The following EXOG variants were observed in gnomAD, a reference collection of about 807,000 sequenced individuals.
The protein encoded by EXOG is exo/endonuclease G.
In EXOG, 27 loss-of-function variants were observed where a neutral mutation model predicts 25.8. The observed-to-expected ratio is 1.05, with a 90% CI of 0.77 to 1.45. The LOEUF is 1.45. Ranked by LOEUF, EXOG falls within the 40% of genes most tolerant of loss-of-function variation. The pLI is 0.00. For synonymous variants in EXOG, 133 were observed against 167.0 expected (o/e 0.80, Z 1.57); for missense variants, 458 against 450.5 (o/e 1.02, Z -0.15).
At chr3:38,509,068 G>A (rs2060291071) in intron 5 of EXOG, among the ~76,000 whole-genome samples, 1 of 151,986 alleles carries the variant, frequency 6.6e-6, no homozygotes, top group Non-Finnish European at 1.5e-5. Flanking sequence ...TTTAATTTTA[G>A]TATATTTTAT....
In EXOG at chr3:38,501,509, G is replaced by T. The variant is rs1316610692; in HGVS notation, c.453+15G>T. ...AATTTTCAAGTGTAGGCATACTTTG[G>T]GGGAGGGATGGGAATATGGGGCTGA... On this transcript the variant is annotated intron_variant, in intron 3 of 5. Transcript: ENST00000287675. 2 of 1,612,928 alleles carry T rather than the reference G, an allele frequency of 1.2e-6. No individual in the cohort carries two copies. The highest frequency in any genetic ancestry group is 2.2e-5 in the East Asian group (1 of 44,876).
chr3:38,500,598 C>T (rs1265250731), intron 2 of EXOG, among the ~76,000 whole-genome samples: 2 of 152,196 alleles, frequency 1.3e-5, no homozygotes, highest in African/African-American at 4.8e-5. Context: ...CTCCATTTTA[C>T]ACTTCTTTGA....
intron 5 of EXOG, chr3:38,513,749 G>A (rs2060445231): frequency 6.6e-6 from 1 of 151,620 alleles, no homozygotes; most frequent in Non-Finnish European, 1.5e-5. Flanking sequence ...TTATTCAACA[G>A]AGACTTAACT....
chr3:38,496,427 C>G lies in EXOG; in HGVS notation c.60C>G (p.Phe20Leu). Residue 20 changes from phenylalanine (F) to leucine (L), a missense_variant, in exon 1 of 6, where the codon TTC becomes TTG. By Grantham distance (22) the Phe-to-Leu change is conservative. This residue lies in a region of EXOG where 275 missense variants were observed against 230.5 expected (regional missense o/e 1.19). Transcript: ENST00000287675. ...LRGSRRFLSG[F>L]VAGAVVGAAG... ...GTTCCCGTCGTTTTCTGAGCGGCTTCGTGGCTGGGGCTGTAGTGGGCGCTG... is the reference window on the plus strand; with the variant it reads ...GTTCCCGTCGTTTTCTGAGCGGCTTGGTGGCTGGGGCTGTAGTGGGCGCTG... 2 of 1,614,026 alleles carry G rather than the reference C, an allele frequency of 1.2e-6. No individual in the cohort carries two copies. Among genetic ancestry groups the G allele is most frequent in the Non-Finnish European group, 1.7e-6 (2 of 1,179,970 alleles).
At chr3:38,505,325 C>T (rs1356642520) in intron 4 of EXOG, among the ~76,000 whole-genome samples, 1 of 150,722 alleles carries the variant, frequency 6.6e-6, no homozygotes, top group African/African-American at 2.4e-5. Context: ...GATGTTTGTC[C>T]TAGAGTTTCC....
At position 38,524,478 on chromosome 3, in the gene EXOG, T is replaced by C. The variant is rs1410003015; in HGVS notation, c.*116T>C. ...TTAAAAAGTTTTTCTCTTTAAGAGA[T>C]GTGGTCTCGCCGTGTCATCCAGGCT... is the stretch of plus-strand genomic sequence containing the variant. On this transcript the variant is annotated 3_prime_UTR_variant, in exon 6 of 6. Coordinates refer to ENST00000287675, the MANE Select transcript of EXOG (RefSeq NM_005107.4). 1.4e-6 allele frequency: 2 copies of C among 1,432,246 alleles called. No homozygotes were observed. Among genetic ancestry groups the C allele is most frequent in the East Asian group, 5.0e-5 (2 of 39,918 alleles). 88.7% of individuals were successfully genotyped at this position (1,432,246 alleles called of 1,614,324 possible).
intron 4 of EXOG, 127 bp from the exon 5 acceptor site, chr3:38,506,727 G>T: frequency 2.1e-6 from 1 of 481,758 alleles, no homozygotes; most frequent in Non-Finnish European, 3.7e-6. Context: ...AATGTTTTGT[G>T]CCATGTTCTT....
chr3:38,507,474 T>C (rs1217180692), intron 5 of EXOG, among the ~76,000 whole-genome samples: 2 of 152,180 alleles, frequency 1.3e-5, no homozygotes, highest in African/African-American at 4.8e-5. Context: ...GAGCTTATGG[T>C]ACAAAACAGT....
At chr3:38,497,031 A>G (rs1219579346) in intron 1 of EXOG, 6 of 1,017,512 alleles carry the variant, frequency 5.9e-6, no homozygotes, top group East Asian at 1.1e-4. Flanking sequence ...CTATCCCTCC[A>G]AAGTGTATAA....
At chr3:38,504,571 G>A (rs1055534507) in intron 4 of EXOG, among the ~76,000 whole-genome samples, 32 of 152,140 alleles carry the variant, frequency 2.1e-4, no homozygotes, top group African/African-American at 7.5e-4. Flanking sequence ...GAGTAGCTGG[G>A]ATTATAGGCA....
At chr3:38,510,586 A>G (rs937682695) in intron 5 of EXOG, among the ~76,000 whole-genome samples, 5 of 152,098 alleles carry the variant, frequency 3.3e-5, no homozygotes, top group Non-Finnish European at 5.9e-5. Flanking sequence ...AATGTTAACA[A>G]TTGGTAAATC....
chr3:38,497,596 T>A (rs937186202), intron 1 of EXOG, 33 bp from the exon 2 acceptor site: 3 of 1,529,034 alleles, frequency 2.0e-6, no homozygotes, highest in Middle Eastern at 1.9e-4. Context: ...TTTTTGTCTC[T>A]GCCCCCCCTT....
intron 5 of EXOG, among the ~76,000 whole-genome samples, chr3:38,509,753 A>G (rs1210203232): frequency 6.6e-6 from 1 of 152,228 alleles, no homozygotes; most frequent in East Asian, 1.9e-4. Flanking sequence ...TGAATATCAA[A>G]ATAAAATGGA....
intron 5 of EXOG, among the ~76,000 whole-genome samples, chr3:38,515,090 C>CT (rs1403498645): frequency 5.3e-5 from 8 of 151,766 alleles, no homozygotes; most frequent in African/African-American, 1.5e-4. Flanking sequence ...TTATAGATAA[C>CT]TTTTTTTTGC....
intron 5 of EXOG, among the ~76,000 whole-genome samples, chr3:38,507,563 A>G (rs972829637): frequency 4.6e-5 from 7 of 152,220 alleles, no homozygotes; most frequent in Admixed American, 3.9e-4. Context: ...CTATTCTATG[A>G]TGAAGACTTG....
Position 38,524,425 on chromosome 3 carries a change from A to G in EXOG, c.*63A>G, listed in dbSNP as rs974385341. ...GCAGGCATGCCCTCTTTAGGCTAAC[A>G]TATTTTAGTGGCTTTGCTTTTTGCT... On this transcript the variant is annotated 3_prime_UTR_variant, in exon 6 of 6. Coordinates refer to ENST00000287675, the MANE Select transcript of EXOG (RefSeq NM_005107.4). The G allele has an allele frequency of 8.6e-6, 13 of 1,509,324 alleles. No individual in the cohort carries two copies. The highest frequency in any genetic ancestry group is 1.1e-5 in the Non-Finnish European group (13 of 1,132,926). The allele number at this position is 1,509,324 out of a possible 1,614,324, so 93.5% of individuals were successfully genotyped here.
At chr3:38,497,910 A>G in intron 2 of EXOG, 132 bp downstream of exon 2, 1 of 1,184,990 alleles carries the variant, frequency 8.4e-7, no homozygotes, top group African/African-American at 1.6e-5. Context: ...TATTTATATA[A>G]CTTACTGGTT....
intron 4 of EXOG, among the ~76,000 whole-genome samples, chr3:38,504,055 A>G (rs2060126270): frequency 1.3e-5 from 2 of 152,108 alleles, no homozygotes; most frequent in Non-Finnish European, 2.9e-5. Context: ...TTAAAAAAAC[A>G]GTTTTGTATT....
intron 5 of EXOG, among the ~76,000 whole-genome samples, chr3:38,522,377 T>C (rs2060743395): frequency 6.6e-6 from 1 of 152,246 alleles, no homozygotes; most frequent in Admixed American, 6.5e-5. Flanking sequence ...AAACTGACTC[T>C]TACCAGGGAA....
Sources: gnomAD v4.1 joint callset for allele counts (sites outside exome capture counted in the v4.1 genomes callset) on GRCh38, gnomAD v4.1.1 for gene constraint, gnomAD v4.1.1 regional missense constraint, MANE v1.5 for transcripts, NCBI Gene and HGNC (gene_info 2026-07-23, HGNC 2026-07-21) for gene names.